The following EPB41L3 variants were observed in gnomAD, a reference collection of about 807,000 sequenced individuals.
EPB41L3 encodes erythrocyte membrane protein band 4.1 like 3.
Under a neutral mutation model 127.1 loss-of-function variants are expected in EPB41L3, and 57 were observed. The observed-to-expected ratio is 0.45, with a 90% confidence interval of 0.36 to 0.56. EPB41L3 has a LOEUF of 0.56. Ranked by LOEUF, EPB41L3 falls within the 20% of genes least tolerant of loss-of-function variation. EPB41L3 has a pLI of 0.00. For synonymous variants in EPB41L3, 572 were observed against 549.5 expected, an observed-to-expected ratio of 1.04 and a Z score of -0.57; for missense variants, 1,273 against 1,372.2, an observed-to-expected ratio of 0.93 and a Z score of 1.14.
At chr18:5,465,875 T>C (rs1179449548) in intron 3 of EPB41L3, among the ~76,000 whole-genome samples, 1 of 152,122 alleles carries the variant, frequency 6.6e-6, no homozygotes, top group South Asian at 2.1e-4. Flanking sequence ...CTGTAGATAT[T>C]CAGATATTCA....
intron 3 of EPB41L3, among the ~76,000 whole-genome samples, chr18:5,602,329 A>G (rs2094600296): frequency 2.0e-5 from 3 of 152,182 alleles, no homozygotes; most frequent in Admixed American, 2.0e-4. Context: ...TTGTTTCCCT[A>G]AAAGATGAAG....
intron 2 of EPB41L3, among the ~76,000 whole-genome samples, chr18:5,479,382 C>T (rs1041856559): frequency 3.9e-5 from 6 of 152,174 alleles, no homozygotes; most frequent in Non-Finnish European, 7.3e-5. Context: ...TTTCCTTTCC[C>T]GTGTACATAC....
intron 3 of EPB41L3, among the ~76,000 whole-genome samples, chr18:5,471,535 G>A (rs2086142177): frequency 6.6e-6 from 1 of 152,186 alleles, no homozygotes; most frequent in Non-Finnish European, 1.5e-5. Flanking sequence ...TTTCAGACTT[G>A]GAAGACTGCT....
chr18:5,527,005 T>A (rs1185291538), intron 1 of EPB41L3, among the ~76,000 whole-genome samples: 1 of 139,154 alleles, frequency 7.2e-6, no homozygotes, highest in Admixed American at 7.0e-5. Flanking sequence ...AGAATATTCA[T>A]TGGTTAAAAA....
At chr18:5,574,540 A>G (rs1015699853) in intron 3 of EPB41L3, among the ~76,000 whole-genome samples, 9 of 151,854 alleles carry the variant, frequency 5.9e-5, no homozygotes, top group African/African-American at 2.2e-4. Context: ...CCGTATATCC[A>G]GAACTTAGAA....
intron 8 of EPB41L3, among the ~76,000 whole-genome samples, chr18:5,432,473 T>C (rs533796959): frequency 2.0e-5 from 3 of 152,320 alleles, no homozygotes; most frequent in African/African-American, 7.2e-5. Context: ...AAACAACCTC[T>C]GACCTTAACA....
upstream of EPB41L3, among the ~76,000 whole-genome samples, chr18:5,547,117 C>T (rs984884371): frequency 2.0e-5 from 3 of 152,126 alleles, no homozygotes; most frequent in Non-Finnish European, 2.9e-5. Context: ...ATAATGAGCT[C>T]TTCCACACAG....
At chr18:5,428,853 C>T (rs2078585624) in intron 8 of EPB41L3, among the ~76,000 whole-genome samples, 1 of 152,126 alleles carries the variant, frequency 6.6e-6, no homozygotes, top group Admixed American at 6.5e-5. Flanking sequence ...GAGATGGTCA[C>T]TATTATTATT....
At chr18:5,575,309 G>A (rs1327872624) in intron 3 of EPB41L3, among the ~76,000 whole-genome samples, 3 of 152,138 alleles carry the variant, frequency 2.0e-5, no homozygotes, top group African/African-American at 7.2e-5. Flanking sequence ...AGTGTTGGAG[G>A]TGGGGCCTAG....
chr18:5,452,885 G>C (rs1350513329), intron 3 of EPB41L3, among the ~76,000 whole-genome samples: 2 of 152,120 alleles, frequency 1.3e-5, no homozygotes, highest in Admixed American at 1.3e-4. Context: ...ACTAAAGAAT[G>C]ACCCTTAGTA....
At chr18:5,433,136 G>C (rs1328881572) in intron 8 of EPB41L3, among the ~76,000 whole-genome samples, 1 of 152,196 alleles carries the variant, frequency 6.6e-6, no homozygotes, top group East Asian at 1.9e-4. Flanking sequence ...AAATACGACT[G>C]TGATGGGGAG....
rs544226797 is a variant in EPB41L3, at chr18:5,445,285, A to G, written c.382-41T>C. The G allele has an allele frequency of 3.4e-6, 5 of 1,468,028 alleles. No homozygotes were observed. In the East Asian group the frequency reaches 6.8e-5, roughly 20 times the overall value. 90.9% of individuals were successfully genotyped at this position (1,468,028 alleles called of 1,614,324 possible). ...TAGCAAAGCAAGTCAATACAACACA[A>G]AGAAAGTTCTCCCAAATATCAGAGA... is the stretch of plus-strand genomic sequence containing the variant. On this transcript the variant is annotated intron_variant, in intron 3 of 22. Coordinates refer to ENST00000341928, the MANE Select transcript of EPB41L3 (RefSeq NM_012307.5).
chr18:5,576,152 G>A (rs1474715791), intron 3 of EPB41L3, among the ~76,000 whole-genome samples: 1 of 152,058 alleles, frequency 6.6e-6, no homozygotes, highest in East Asian at 1.9e-4. Flanking sequence ...ATATAGTTTT[G>A]TTAAAGTTTC....
At chr18:5,487,073 C>T (rs934557719) in intron 2 of EPB41L3, among the ~76,000 whole-genome samples, 11 of 152,132 alleles carry the variant, frequency 7.2e-5, no homozygotes, top group African/African-American at 2.4e-4. Context: ...ATGAAATCAA[C>T]CTAAGTGCCC....
At chr18:5,522,291 G>GTTTT (rs1388930016) in intron 1 of EPB41L3, among the ~76,000 whole-genome samples, 5 of 150,504 alleles carry the variant, frequency 3.3e-5, no homozygotes, top group African/African-American at 1.2e-4. Flanking sequence ...TTGTTTGTTT[G>GTTTT]TTTTGTATTT....
At chr18:5,423,044 G>A (rs563075464) in intron 11 of EPB41L3, among the ~76,000 whole-genome samples, 1 of 152,112 alleles carries the variant, frequency 6.6e-6, no homozygotes, top group Non-Finnish European at 1.5e-5. Context: ...AGACCTGTTG[G>A]CAAGAGAATC....
intron 8 of EPB41L3, 37 bp downstream of exon 8, chr18:5,433,432 A>C (rs771110580): frequency 1.4e-6 from 2 of 1,426,370 alleles, no homozygotes. Flanking sequence ...GTTACATAAT[A>C]TTAAATTGAA....
intron 1 of EPB41L3, among the ~76,000 whole-genome samples, chr18:5,514,873 G>T (rs1319175141): frequency 6.6e-6 from 1 of 152,110 alleles, no homozygotes; most frequent in African/African-American, 2.4e-5. Flanking sequence ...CCAAATTACA[G>T]GTATATAATG....
intron 3 of EPB41L3, among the ~76,000 whole-genome samples, chr18:5,570,608 T>G (rs563031943): frequency 2.6e-5 from 4 of 152,166 alleles, no homozygotes; most frequent in Non-Finnish European, 5.9e-5. Flanking sequence ...TTATTTAATT[T>G]TATTTTTATT....
Sources: gnomAD v4.1 joint callset for allele counts (sites outside exome capture counted in the v4.1 genomes callset) on GRCh38, gnomAD v4.1.1 for gene constraint, MANE v1.5 for transcripts, NCBI Gene and HGNC (gene_info 2026-07-23, HGNC 2026-07-21) for gene names.